Variants in TOMT observed in about 807,000 individuals in gnomAD.
TOMT encodes the protein transmembrane O-methyltransferase.
TOMT carries 23 observed loss-of-function variants against 21.7 expected under a neutral mutation model. The observed-to-expected ratio is 1.06, with a 90% CI of 0.76 to 1.50. TOMT has a LOEUF of 1.50. Ranked by LOEUF, TOMT falls within the 40% of genes most tolerant of loss-of-function variation. The probability of loss-of-function intolerance (pLI) is 0.00; values close to 1 mark genes in which losing one functional copy is unlikely to be tolerated. For synonymous variants in TOMT, 132 were observed against 150.8 expected (o/e 0.88, Z 0.91); for missense variants, 331 against 348.7 (o/e 0.95, Z 0.41).
chr11:72,108,154 C>A (rs1169185978), intron 2 of TOMT, 35 bp downstream of exon 2: 4 of 1,455,290 alleles, frequency 2.7e-6, no homozygotes, highest in Non-Finnish European at 3.6e-6. Context: ...AGATTTTTGT[C>A]ACCCCAGGCC....
chr11:72,106,358 C>G, intron 1 of TOMT, 148 bp downstream of exon 1: 2 of 841,204 alleles, frequency 2.4e-6, no homozygotes, highest in Non-Finnish European at 3.4e-6. Context: ...AAATGAGGAG[C>G]TTGGACTAAG....
At chr11:72,109,099 G>A in exon 3 of TOMT, 2 of 612,790 alleles carry the variant, frequency 3.3e-6, no homozygotes, top group Non-Finnish European at 5.7e-6. Context: ...CAAGTGTCAA[G>A]TTCTATCAGG....
chr11:72,106,179 C>G (rs774544844), exon 1 of TOMT: 1 of 1,514,146 alleles, frequency 6.6e-7, no homozygotes, highest in Admixed American at 2.0e-5. Flanking sequence ...GCAGCCGCTG[C>G]GAGTACTTGA....
At chr11:72,108,567 C>A in intron 2 of TOMT, 38 bp from the exon 3 acceptor site, 1 of 1,421,908 alleles carries the variant, frequency 7.0e-7, no homozygotes, top group Middle Eastern at 1.8e-4. Flanking sequence ...GAGAACAATT[C>A]CCCCCACCCT....
rs1945685708 is a variant in TOMT at position 72,106,242 on chromosome 11, G to A, written c.259+32G>A. ...GTTCCCTAGCCTTCTGCTCCAAGAA[G>A]TACCCCCAAGACAGTGAAGGAATAT... is the stretch of plus-strand genomic sequence containing the variant. On this transcript the variant is annotated intron_variant, in intron 1 of 2. Coordinates refer to ENST00000541899, the Ensembl canonical transcript of TOMT. 4 of 1,446,500 alleles carry A rather than the reference G, an allele frequency of 2.8e-6. No individual in the cohort carries two copies. The East Asian group carries it at 7.6e-5, about 27-fold the overall frequency. The allele number at this position is 1,446,500 out of a possible 1,614,324, so 89.6% of individuals were successfully genotyped here.
intron 2 of TOMT, 125 bp from the exon 3 acceptor site, chr11:72,108,480 A>T: frequency 1.3e-6 from 1 of 780,416 alleles, no homozygotes; most frequent in Admixed American, 3.2e-5. Flanking sequence ...AGGTCAGAGG[A>T]AATGTGAGAA....
At chr11:72,107,745 G>C in intron 1 of TOMT, 178 bp from the exon 2 acceptor site, 1 of 651,890 alleles carries the variant, frequency 1.5e-6, no homozygotes, top group Non-Finnish European at 2.7e-6. Context: ...GGGCTGGTGT[G>C]AAGACTACAC....
In TOMT at chr11:72,109,090, A is replaced by T. The variant is rs933277974; in HGVS notation, c.*165A>T. ...CTCTTTCAGCCTCTACACTGACCTC[A>T]AGTGTCAAGTTCTATCAGGCTGCTT... On this transcript the variant is annotated 3_prime_UTR_variant, in exon 3 of 3. Coordinates refer to ENST00000541899, the Ensembl canonical transcript of TOMT. 16 of 621,388 alleles carry T rather than the reference A, an allele frequency of 2.6e-5. No individual in the cohort carries two copies. In the African/African-American group the frequency reaches 2.6e-4, roughly 10 times the overall value. The allele number at this position is 621,388 out of a possible 1,614,324, so 38.5% of individuals were successfully genotyped here. A position where few individuals can be genotyped will look rare whatever the true frequency, so the allele number is the denominator to read the frequency against.
intron 2 of TOMT, 65 bp downstream of exon 2, chr11:72,108,184 G>T: frequency 7.3e-7 from 1 of 1,378,246 alleles, no homozygotes; most frequent in Non-Finnish European, 9.6e-7. Context: ...GACATCCCTT[G>T]TGAAGGACTC....
intron 1 of TOMT, chr11:72,107,386 T>G: frequency 1.5e-6 from 1 of 682,894 alleles, no homozygotes; most frequent in East Asian, 2.7e-5. Context: ...AAAGATAGGG[T>G]GGTTGTTTCT....
rs367902988 is a variant in TOMT at position 72,108,642 on chromosome 11, C to T, written c.494C>T (p.Pro165Leu). 2.1e-5 allele frequency: 32 copies of T among 1,502,246 alleles called. No homozygotes were observed. In the East Asian group the frequency reaches 3.0e-4, roughly 14 times the overall value. 93.1% of individuals were successfully genotyped at this position (1,502,246 alleles called of 1,614,324 possible). The stretch of plus-strand genomic sequence containing the variant: ...GTGGGCAGCTCAGAGGACGTGATCC[C>T]GTGCCTACGCACCCAGTATCAGCTG... Residue 165 changes from proline (P) to leucine (L), a missense_variant, in exon 3 of 3, where the codon CCG becomes CTG. Coordinates refer to ENST00000541899, the Ensembl canonical transcript of TOMT.
At chr11:72,108,752 C>T (rs1230451727) in exon 3 of TOMT, 4 of 1,550,436 alleles carry the variant, frequency 2.6e-6, no homozygotes, top group Non-Finnish European at 3.5e-6. Context: ...TGCCCTACTG[C>T]CAGCAGGTGC....
At chr11:72,106,743 C>T (rs911372707) in intron 1 of TOMT, 1 of 152,020 alleles carries the variant, frequency 6.6e-6, no homozygotes, top group African/African-American at 2.4e-5. Flanking sequence ...GAGTTTGAGA[C>T]CGGCTTGGGC....
chr11:72,108,093 C>T lies in TOMT; in HGVS notation c.430C>T (p.Arg144Cys), dbSNP rs562245343. The T allele has an allele frequency of 5.6e-5, 86 of 1,531,054 alleles. No homozygotes were observed. The highest frequency in any genetic ancestry group is 7.0e-5 in the Non-Finnish European group (79 of 1,133,886). 94.8% of individuals were successfully genotyped at this position (1,531,054 alleles called of 1,614,324 possible). Residue 144 changes from arginine to cysteine, a missense_variant, in exon 2 of 3, where the codon CGC becomes TGC. Physicochemically the swap from Arg to Cys is radical, Grantham distance 180 (BLOSUM62 -3). Transcript: ENST00000541899. ...GGCAGCAGTGGCTGAAAAACTCATC[C>T]GCCTGGCCGGCTTTGATGAGCACAT...
rs1396507334 is a variant in TOMT, at chr11:72,108,015, C to T, written c.352C>T (p.Arg118Ter). 2.6e-6 allele frequency: 4 copies of T among 1,551,648 alleles called. No homozygotes were observed. Among genetic ancestry groups the T allele is most frequent in the Admixed American group, 3.9e-5 (2 of 50,990 alleles). The stretch of plus-strand genomic sequence containing the variant: ...TGGATACTCTACCCTGCTTATTGCC[C>T]GAGCCCTGCCCCCTGGGGGTCGCCT... The change falls in exon 2 of 3, where the codon CGA (arginine) becomes TGA (stop). Residue 118 changes from arginine (R) to a stop codon, truncating the protein, a stop_gained. Transcript: ENST00000541899. LOFTEE classifies it high-confidence loss of function.
intron 1 of TOMT, chr11:72,106,998 G>GCT (rs1453159130): frequency 6.0e-6 from 1 of 166,614 alleles, no homozygotes; most frequent in East Asian, 1.7e-4. Context: ...GGGCATGGTG[G>GCT]CTCATGCCTG....
At chr11:72,106,440 A>G (rs1945699829) in intron 1 of TOMT, 1 of 438,732 alleles carries the variant, frequency 2.3e-6, no homozygotes, top group African/African-American at 2.0e-5. Context: ...GGAGAGGGGT[A>G]GAGGCCACAG....
Position 72,106,278 on chromosome 11 carries a change from TTGC to T in TOMT, c.259+73_259+75del, listed in dbSNP as rs1210386836. 5 of 1,385,012 alleles carry T rather than the reference TTGC, an allele frequency of 3.6e-6. No homozygotes were observed. In the Admixed American group the frequency reaches 1.5e-4, roughly 41 times the overall value. The allele number at this position is 1,385,012 out of a possible 1,614,324, so 85.8% of individuals were successfully genotyped here. On this transcript the variant is annotated intron_variant, in intron 1 of 2. Transcript: ENST00000541899. The stretch of plus-strand genomic sequence containing the variant: ...ACAGTGAAGGAATATTTGGGATCTG[TTGC>T]TGCTTAACTGGATGAATTGGGCAGG...
downstream of TOMT, chr11:72,109,436 C>A: frequency 2.3e-6 from 1 of 433,988 alleles, no homozygotes; most frequent in Non-Finnish European, 4.6e-6. Flanking sequence ...GAACCCTGGA[C>A]CCAGGGCCAG....
Sources: allele counts gnomAD v4.1 joint callset, GRCh38; gene constraint gnomAD v4.1.1; transcripts MANE v1.5; gene names NCBI Gene and HGNC (gene_info 2026-07-23, HGNC 2026-07-21).